Variants in PRADC1 observed in about 807,000 individuals in gnomAD.
PRADC1 encodes protease-associated domain-containing protein 1.
In PRADC1, 23 loss-of-function variants were observed where a neutral mutation model predicts 22.9. That is an observed-to-expected ratio of 1.00 (90% CI 0.72 to 1.42). The LOEUF (loss-of-function observed/expected upper bound fraction) is 1.42. Among genes scored for constraint, PRADC1 ranks in the 40% most tolerant of loss-of-function variants. PRADC1 has a pLI of 0.00. For missense variants in PRADC1, 207 were observed against 258.3 expected, an observed-to-expected ratio of 0.80 and a Z score of 1.36; for synonymous variants, 71 against 100.3, an observed-to-expected ratio of 0.71 and a Z score of 1.75.
chr2:73,232,339 A>G (rs1032571373), intron 1 of PRADC1, among the ~76,000 whole-genome samples: 2 of 149,994 alleles, frequency 1.3e-5, no homozygotes, highest in South Asian at 2.1e-4. Flanking sequence ...TCCGTCTCAA[A>G]AAAAAAAAAA....
Position 73,233,225 on chromosome 2 carries a change from G to T in PRADC1, c.-65C>A. 5 of 1,124,398 alleles carry T rather than the reference G, an allele frequency of 4.4e-6. No individual in the cohort carries two copies. The highest frequency in any genetic ancestry group is 5.9e-6 in the Non-Finnish European group (5 of 849,160). The allele number at this position is 1,124,398 out of a possible 1,614,324, so 69.7% of individuals were successfully genotyped here. ...GCCGCCCCGCCGCGCGTCGCTCGCA[G>T]GACTTCAGCCTGACAGCTGCTCCGG... On this transcript the variant is annotated 5_prime_UTR_variant, in exon 1 of 5. It adds an upstream start codon to the 5' untranslated region. Transcript: ENST00000258083.
chr2:73,229,655 G>A, intron 2 of PRADC1, 85 bp from the exon 3 acceptor site: 1 of 998,666 alleles, frequency 1.0e-6, no homozygotes, highest in Non-Finnish European at 1.6e-6. Flanking sequence ...CATCTTATTG[G>A]CACCTTATAA....
At chr2:73,231,211 C>G (rs1051978955) in intron 1 of PRADC1, among the ~76,000 whole-genome samples, 1 of 152,198 alleles carries the variant, frequency 6.6e-6, no homozygotes, top group African/African-American at 2.4e-5. Context: ...GCTCCGCCTC[C>G]CGGGTTCACG....
At chr2:73,230,518 G>A (rs1310702172) in intron 1 of PRADC1, among the ~76,000 whole-genome samples, 2 of 152,172 alleles carry the variant, frequency 1.3e-5, no homozygotes, top group African/African-American at 4.8e-5. Context: ...GGAGTTTCAG[G>A]GTAGAGATGT....
In PRADC1 at chr2:73,228,616, G is replaced by A. The variant is rs1243490428; in HGVS notation, c.447-42C>T. 6.2e-7 allele frequency: 1 copy of A among 1,613,546 alleles called. No homozygotes were observed. The highest frequency in any genetic ancestry group is 8.5e-7 in the Non-Finnish European group (1 of 1,179,908). On this transcript the variant is annotated intron_variant, in intron 4 of 4. Transcript: ENST00000258083. The surrounding 1 kb of genome is among the most constrained non-coding windows in gnomAD (Gnocchi z 4.0). ...AGAGGTGGTGACGGTCACTTTCTTG[G>A]TACCCCATCATGCCCCACTGTCCCC...
In PRADC1 at chr2:73,228,788, C is replaced by T. The variant is rs1236477124; in HGVS notation, c.446+7G>A. 3.7e-6 allele frequency: 6 copies of T among 1,609,874 alleles called. No homozygotes were observed. The highest frequency in any genetic ancestry group is 5.1e-6 in the Non-Finnish European group (6 of 1,177,322). Reference sequence around the variant, plus strand: ...TGCTGATAAAGCCAGAGGCAAGGAGCCCTCACCCGTCTCGGCCGAGCAGGA... The same window carrying T: ...TGCTGATAAAGCCAGAGGCAAGGAGTCCTCACCCGTCTCGGCCGAGCAGGA... On this transcript the variant is annotated splice_region_variant and intron_variant, in intron 4 of 4. Coordinates refer to ENST00000258083, the MANE Select transcript of PRADC1 (RefSeq NM_032319.3). This position sits in a 1 kb window ranked among gnomAD's most constrained non-coding sequence, Gnocchi z 4.0.
At chr2:73,231,398 C>A (rs943656218) in intron 1 of PRADC1, among the ~76,000 whole-genome samples, 1 of 151,894 alleles carries the variant, frequency 6.6e-6, no homozygotes, top group Admixed American at 6.6e-5. Context: ...GGATTACAGG[C>A]GTGAGCCACC....
At chr2:73,230,451 G>A (rs149000934) in intron 1 of PRADC1, among the ~76,000 whole-genome samples, 2,069 of 152,336 alleles carry the variant, frequency 0.014, 30 homozygotes, top group Non-Finnish European at 0.019. Context: ...TGCTGCTTAC[G>A]CAGTAAGCCA....
chr2:73,232,780 G>A (rs1686684755), intron 1 of PRADC1, among the ~76,000 whole-genome samples: 1 of 152,182 alleles, frequency 6.6e-6, no homozygotes, highest in Non-Finnish European at 1.5e-5. Context: ...CATATCTCCA[G>A]CCTGTAGTAT....
At chr2:73,233,064 T>A (rs1277331625) in intron 1 of PRADC1, 30 bp downstream of exon 1, 1 of 1,528,138 alleles carries the variant, frequency 6.5e-7, no homozygotes, top group Non-Finnish European at 8.7e-7. Context: ...AGCCCCGCCC[T>A]GCAACGCAGT....
In PRADC1 at chr2:73,228,921, T is replaced by C; in HGVS notation, c.320A>G (p.His107Arg). The change falls in exon 4 of 5, where the codon CAC becomes CGC. Residue 107 changes from histidine to arginine, a missense_variant. Coordinates refer to ENST00000258083, the MANE Select transcript of PRADC1 (RefSeq NM_032319.3). This position sits in a 1 kb window ranked among gnomAD's most constrained non-coding sequence, Gnocchi z 4.0. The stretch of plus-strand genomic sequence containing the variant: ...AGAGATGATCACCGCCCGCCCGCCG[T>C]GCTCCTGGACCACCCGAGTCTTGGA... ...FLSKTRVVQE[H>R]GGRAVIISDN... 6.2e-7 allele frequency: 1 copy of C among 1,613,874 alleles called. No homozygotes were observed.
chr2:73,228,345 TG>T lies in PRADC1; in HGVS notation c.*108del. ...AACGCCCAAACCCTTTTCCTCTACC[TG>T]GCTCCACTTGTCCCCAGATGCTATC... On this transcript the variant is annotated 3_prime_UTR_variant, in exon 5 of 5. Coordinates refer to ENST00000258083, the MANE Select transcript of PRADC1 (RefSeq NM_032319.3). This position sits in a 1 kb window ranked among gnomAD's most constrained non-coding sequence, Gnocchi z 4.0. 2 of 1,402,480 alleles carry T rather than the reference TG, an allele frequency of 1.4e-6. No homozygotes were observed. Among genetic ancestry groups the T allele is most frequent in the Non-Finnish European group, 2.0e-6 (2 of 1,017,986 alleles). The allele number at this position is 1,402,480 out of a possible 1,614,324, so 86.9% of individuals were successfully genotyped here. A position where few individuals can be genotyped will look rare whatever the true frequency, so the allele number is the denominator to read the frequency against.
rs1402163509 is a variant in PRADC1, at chr2:73,228,217, A to G, written c.*237T>C. ...GCTCCTTTTGTTTCGGGTTCTAGCC[A>G]GAAGCCCTGGGGCCTGTCTCTTGCC... is the stretch of plus-strand genomic sequence containing the variant. On this transcript the variant is annotated 3_prime_UTR_variant, in exon 5 of 5. Transcript: ENST00000258083. This position sits in a 1 kb window ranked among gnomAD's most constrained non-coding sequence, Gnocchi z 4.0. The G allele has an allele frequency of 1.9e-6, 1 of 526,076 alleles. No homozygotes were observed. Among genetic ancestry groups the G allele is most frequent in the Non-Finnish European group, 3.4e-6 (1 of 294,878 alleles). The allele number at this position is 526,076 out of a possible 1,614,324, so 32.6% of individuals were successfully genotyped here. A position where few individuals can be genotyped will look rare whatever the true frequency, so the allele number is the denominator to read the frequency against.
intron 1 of PRADC1, among the ~76,000 whole-genome samples, 200 bp from the exon 2 acceptor site, chr2:73,230,413 A>G (rs1302422650): frequency 1.3e-5 from 2 of 152,204 alleles, no homozygotes; most frequent in Admixed American, 1.3e-4. Flanking sequence ...CAGAGTCATT[A>G]ACCCCAGAGG....
At position 73,228,214 on chromosome 2, in the gene PRADC1, G is replaced by A; in HGVS notation, c.*240C>T. ...TCAGCTCCTTTTGTTTCGGGTTCTAGCCAGAAGCCCTGGGGCCTGTCTCTT... is the reference window on the plus strand; with the variant it reads ...TCAGCTCCTTTTGTTTCGGGTTCTAACCAGAAGCCCTGGGGCCTGTCTCTT... On this transcript the variant is annotated 3_prime_UTR_variant, in exon 5 of 5. Coordinates refer to ENST00000258083, the MANE Select transcript of PRADC1 (RefSeq NM_032319.3). The surrounding 1 kb of genome is among the most constrained non-coding windows in gnomAD (Gnocchi z 4.0). 1 of 518,770 alleles carries A rather than the reference G, an allele frequency of 1.9e-6. No homozygotes were observed. The highest frequency in any genetic ancestry group is 3.4e-6 in the Non-Finnish European group (1 of 289,990). The allele number at this position is 518,770 out of a possible 1,614,324, so 32.1% of individuals were successfully genotyped here. A position where few individuals can be genotyped will look rare whatever the true frequency, so the allele number is the denominator to read the frequency against.
upstream of PRADC1, chr2:73,233,268 C>A (rs1371010909): frequency 1.2e-5 from 8 of 682,310 alleles, no homozygotes; most frequent in Non-Finnish European, 1.8e-5. Context: ...CCCACATACC[C>A]GCTCTCGCCG....
intron 2 of PRADC1, 165 bp downstream of exon 2, chr2:73,229,948 G>T: frequency 1.6e-6 from 1 of 620,012 alleles, no homozygotes; most frequent in Non-Finnish European, 2.9e-6. Context: ...ATACTCAGGG[G>T]AGTAGCTGGA....
At chr2:73,230,041 G>A (rs1341371563) in intron 2 of PRADC1, 72 bp downstream of exon 2, 1 of 1,052,148 alleles carries the variant, frequency 9.5e-7, no homozygotes, top group Admixed American at 1.7e-5. Context: ...GGTGGGATGA[G>A]AGGGTCACTG....
rs1686603333 is a variant in PRADC1 at position 73,229,926 on chromosome 2, T to C, written c.168+187A>G. The C allele has an allele frequency of 1.3e-5, 8 of 598,720 alleles. No homozygotes were observed. The South Asian group carries it at 1.6e-4, about 12-fold the overall frequency. 37.1% of individuals were successfully genotyped at this position (598,720 alleles called of 1,614,324 possible). A position where few individuals can be genotyped will look rare whatever the true frequency, so the allele number is the denominator to read the frequency against. On this transcript the variant is annotated intron_variant, in intron 2 of 4. Coordinates refer to ENST00000258083, the MANE Select transcript of PRADC1 (RefSeq NM_032319.3). Reference sequence around the variant, plus strand: ...AGACAACTTGTCCCTCCATGGTGCCTAGGTTTATATTATACTCAGGGGAGT... The same window carrying C: ...AGACAACTTGTCCCTCCATGGTGCCCAGGTTTATATTATACTCAGGGGAGT...
Sources: gnomAD v4.1 joint callset for allele counts (sites outside exome capture counted in the v4.1 genomes callset) on GRCh38, gnomAD v4.1.1 for gene constraint, Gnocchi (gnomAD v3.1) non-coding constraint, MANE v1.5 for transcripts, NCBI Gene and HGNC (gene_info 2026-07-23, HGNC 2026-07-21) for gene names.